Variants in NEMP2 observed in about 807,000 individuals in gnomAD.
NEMP2 encodes nuclear envelope integral membrane protein 2, also known as UPF0571 transmembrane protein.
A neutral mutation model predicts 54.2 loss-of-function variants in NEMP2; 53 were observed. That is an observed-to-expected ratio of 0.98 (90% CI 0.78 to 1.23). The LOEUF (loss-of-function observed/expected upper bound fraction) is 1.23, where lower values mean the gene tolerates loss of function less well. Among genes scored for constraint, NEMP2 ranks in the 50% most tolerant of loss-of-function variants. The probability of loss-of-function intolerance (pLI) is 0.00; values close to 1 mark genes in which losing one functional copy is unlikely to be tolerated. For missense variants in NEMP2, 455 were observed against 511.3 expected, an observed-to-expected ratio of 0.89 and a Z score of 1.06; for synonymous variants, 197 against 190.3, an observed-to-expected ratio of 1.04 and a Z score of -0.29.
chr2:190,642,561 A>T, the NEMP2 span, among the ~76,000 whole-genome samples: 4 of 152,190 alleles, frequency 2.6e-5, no homozygotes, highest in African/African-American at 9.6e-5. The surrounding 1 kb of genome is among the most constrained non-coding windows in gnomAD (Gnocchi z 4.1). Flanking sequence ...TATATTTAAA[A>T]ATACTCAAAT....
At chr2:190,647,375 A>C in the NEMP2 span, among the ~76,000 whole-genome samples, 10 of 152,160 alleles carry the variant, frequency 6.6e-5, no homozygotes, top group Admixed American at 6.5e-5. Flanking sequence ...CATCATCATC[A>C]TCCTATCCCT....
chr2:190,509,163 A>G lies in NEMP2; in HGVS notation c.*26T>C. 1 of 1,551,374 alleles carries G rather than the reference A, an allele frequency of 6.4e-7. No homozygotes were observed. The highest frequency in any genetic ancestry group is 8.7e-7 in the Non-Finnish European group (1 of 1,146,872). ...GCCCTTTGCCCACTTCCTTGTCCAG[A>G]ATGAAGTCAACTTGAAGGTCGCATG... On this transcript the variant is annotated 3_prime_UTR_variant, in exon 9 of 9. Transcript: ENST00000409150. This position sits in a 1 kb window ranked among gnomAD's most constrained non-coding sequence, Gnocchi z 6.1.
At position 190,507,181 on chromosome 2, in the gene NEMP2, C is replaced by G. The variant is rs990874358; in HGVS notation, c.*2008G>C. On this transcript the variant is annotated 3_prime_UTR_variant, in exon 9 of 9. Transcript: ENST00000409150. The surrounding 1 kb of genome is among the most constrained non-coding windows in gnomAD (Gnocchi z 4.4). ...TCTCACAGTAGTCACAAAGCAGAAA[C>G]TGACAAACCTATGATTTCCTCTAAA... 1 of 152,200 alleles carries G rather than the reference C, an allele frequency of 6.6e-6. No individual in the cohort carries two copies. The highest frequency in any genetic ancestry group is 2.4e-5 in the African/African-American group (1 of 41,448). The allele number at this position is 152,200 out of a possible 1,614,324, so 9.4% of individuals were successfully genotyped here. A position where few individuals can be genotyped will look rare whatever the true frequency, so the allele number is the denominator to read the frequency against.
chr2:190,497,489 A>G, the NEMP2 span: 1 of 1,614,162 alleles, frequency 6.2e-7, no homozygotes, highest in Non-Finnish European at 8.5e-7. This position sits in a 1 kb window ranked among gnomAD's most constrained non-coding sequence, Gnocchi z 5.2. Flanking sequence ...TCCCGTTCCT[A>G]TAGCAACCAT....
At chr2:190,622,043 G>A in the NEMP2 span, among the ~76,000 whole-genome samples, 1 of 152,196 alleles carries the variant, frequency 6.6e-6, no homozygotes, top group African/African-American at 2.4e-5. Flanking sequence ...GGAGGTGGAT[G>A]TTGTAGTGAG....
the NEMP2 span, among the ~76,000 whole-genome samples, chr2:190,432,318 A>G: frequency 6.6e-6 from 1 of 152,234 alleles, no homozygotes; most frequent in Non-Finnish European, 1.5e-5. Context: ...AAGGCTCAGA[A>G]TCCAGGATGT....
chr2:190,530,585 AGATTG>A lies in NEMP2; in HGVS notation c.97+3969_97+3973del, dbSNP rs1172140506. ...TAGAGAGAACAGATCTTCCAATCTT[AGATTG>A]ATTATAAAGGCTGTATCTTTCTTAG... On this transcript the variant is annotated intron_variant, in intron 1 of 8. Coordinates refer to ENST00000409150, the MANE Select transcript of NEMP2 (RefSeq NM_001142645.2). This position sits in a 1 kb window ranked among gnomAD's most constrained non-coding sequence, Gnocchi z 4.6. Among the ~76,000 whole-genome samples the A allele has an allele frequency of 3.9e-5, 6 of 152,278 alleles. No homozygotes were observed. The East Asian group carries it at 7.7e-4, about 20-fold the overall frequency.
Position 190,528,720 on chromosome 2 carries a change from G to A in NEMP2, c.98-3342C>T, listed in dbSNP as rs12613768. Among the ~76,000 whole-genome samples, 2 of 151,990 alleles carry A rather than the reference G, an allele frequency of 1.3e-5. No individual in the cohort carries two copies. The highest frequency in any genetic ancestry group is 2.9e-5 in the Non-Finnish European group (2 of 67,990). On this transcript the variant is annotated intron_variant, in intron 1 of 8. Coordinates refer to ENST00000409150, the MANE Select transcript of NEMP2 (RefSeq NM_001142645.2). The surrounding 1 kb of genome is among the most constrained non-coding windows in gnomAD (Gnocchi z 4.3). ...AACAGTTCCCTTTTGTTAATGGTCTGAGGAAATAACCTTTTGGTGGGGCCT... is the reference window on the plus strand; with the variant it reads ...AACAGTTCCCTTTTGTTAATGGTCTAAGGAAATAACCTTTTGGTGGGGCCT...
At chr2:190,487,296 G>A in the NEMP2 span, among the ~76,000 whole-genome samples, 8 of 152,246 alleles carry the variant, frequency 5.3e-5, no homozygotes, top group South Asian at 6.2e-4. The surrounding 1 kb of genome is among the most constrained non-coding windows in gnomAD (Gnocchi z 5.5). Context: ...AGCTGAGGTC[G>A]TGCCACTGCA....
At chr2:190,604,518 G>A in the NEMP2 span, among the ~76,000 whole-genome samples, 1 of 152,144 alleles carries the variant, frequency 6.6e-6, no homozygotes, top group Admixed American at 6.5e-5. The surrounding 1 kb of genome is among the most constrained non-coding windows in gnomAD (Gnocchi z 4.5). Context: ...GTGCCGTTGG[G>A]AGTTTGCATA....
At position 190,505,191 on chromosome 2, in the gene NEMP2, T is replaced by G. The variant is rs917529175; in HGVS notation, c.*3998A>C. ...TATCCATGGGGTCATTTCCTTCACTTTCTTAAAAAGATGGTAATAAATAAA... is the reference window on the plus strand; with the variant it reads ...TATCCATGGGGTCATTTCCTTCACTGTCTTAAAAAGATGGTAATAAATAAA... On this transcript the variant is annotated 3_prime_UTR_variant, in exon 9 of 9. Coordinates refer to ENST00000409150, the MANE Select transcript of NEMP2 (RefSeq NM_001142645.2). This position sits in a 1 kb window ranked among gnomAD's most constrained non-coding sequence, Gnocchi z 5.8. 6.6e-5 allele frequency: 10 copies of G among 152,168 alleles called. No homozygotes were observed. The highest frequency in any genetic ancestry group is 2.4e-4 in the African/African-American group (10 of 41,438). 9.4% of individuals were successfully genotyped at this position (152,168 alleles called of 1,614,324 possible). A position where few individuals can be genotyped will look rare whatever the true frequency, so the allele number is the denominator to read the frequency against.
the NEMP2 span, among the ~76,000 whole-genome samples, chr2:190,640,198 A>AT: frequency 6.6e-6 from 1 of 152,008 alleles, no homozygotes. Flanking sequence ...ATTATTTTTT[A>AT]TTTTTTTCCA....
the NEMP2 span, among the ~76,000 whole-genome samples, chr2:190,623,761 T>G: frequency 6.6e-6 from 1 of 152,120 alleles, no homozygotes; most frequent in Non-Finnish European, 1.5e-5. Flanking sequence ...AGGCAAAGAT[T>G]TTTTGGAAAA....
chr2:190,443,402 A>G, the NEMP2 span, among the ~76,000 whole-genome samples: 2 of 152,306 alleles, frequency 1.3e-5, no homozygotes, highest in African/African-American at 4.8e-5. The surrounding 1 kb of genome is among the most constrained non-coding windows in gnomAD (Gnocchi z 4.2). Flanking sequence ...AAACATGGCA[A>G]TTGCTTCAAC....
At chr2:190,497,737 G>A in the NEMP2 span, 22 of 1,601,452 alleles carry the variant, frequency 1.4e-5, no homozygotes, top group Non-Finnish European at 1.9e-5. This position sits in a 1 kb window ranked among gnomAD's most constrained non-coding sequence, Gnocchi z 5.2. Context: ...TCCTTTGCTG[G>A]GCTAGCAATA....
rs1206400284 is a variant in NEMP2 at position 190,507,013 on chromosome 2, G to A, written c.*2176C>T. ...GAAGGGAAGGGAGGAAAGAAAGGAG[G>A]GAAACATTTCTTGGAAGAGTTATCT... is the stretch of plus-strand genomic sequence containing the variant. On this transcript the variant is annotated 3_prime_UTR_variant, in exon 9 of 9. Transcript: ENST00000409150. This position sits in a 1 kb window ranked among gnomAD's most constrained non-coding sequence, Gnocchi z 4.4. The A allele has an allele frequency of 1.3e-5, 2 of 152,070 alleles. No individual in the cohort carries two copies. Among genetic ancestry groups the A allele is most frequent in the Admixed American group, 6.6e-5 (1 of 15,256 alleles). 9.4% of individuals were successfully genotyped at this position (152,070 alleles called of 1,614,324 possible).
At chr2:190,440,821 A>G in the NEMP2 span, among the ~76,000 whole-genome samples, 21,276 of 152,220 alleles carry the variant, frequency 0.14, 1,706 homozygotes, top group Middle Eastern at 0.22. Context: ...CAAAATATAC[A>G]AATGAACTAG....
the NEMP2 span, among the ~76,000 whole-genome samples, chr2:190,496,924 G>C: frequency 1.3e-5 from 2 of 152,294 alleles, no homozygotes; most frequent in East Asian, 3.9e-4. The surrounding 1 kb of genome is among the most constrained non-coding windows in gnomAD (Gnocchi z 4.7). Context: ...GGGTGGGAAA[G>C]GGGTGAGGGA....
At chr2:190,422,344 C>T in the NEMP2 span, among the ~76,000 whole-genome samples, 1 of 152,172 alleles carries the variant, frequency 6.6e-6, no homozygotes, top group Non-Finnish European at 1.5e-5. Flanking sequence ...TCTGTCATCC[C>T]TGTATTCCTG....
Sources: gnomAD v4.1 joint callset for allele counts (sites outside exome capture counted in the v4.1 genomes callset) on GRCh38, gnomAD v4.1.1 for gene constraint, Gnocchi (gnomAD v3.1) non-coding constraint, MANE v1.5 for transcripts, NCBI Gene and HGNC (gene_info 2026-07-23, HGNC 2026-07-21) for gene names.